The following QKI variants were observed in gnomAD, a reference collection of about 807,000 sequenced individuals.
The protein encoded by QKI is QKI, KH domain containing RNA binding.
In QKI, 10 loss-of-function variants were observed where a neutral mutation model predicts 39.0. The observed-to-expected ratio is 0.26, with a 90% CI of 0.16 to 0.43. QKI has a LOEUF of 0.43. Among genes scored for constraint, QKI ranks in the 20% least tolerant of loss-of-function variants. The pLI, the probability that QKI is intolerant of heterozygous loss-of-function variation, is 1.00. For missense variants in QKI, 218 were observed against 428.0 expected, an observed-to-expected ratio of 0.51 and a Z score of 4.33; for synonymous variants, 204 against 155.4, an observed-to-expected ratio of 1.31 and a Z score of -2.33.
chr6:163,430,934 CT>C (rs1205829496), intron 1 of QKI, among the ~76,000 whole-genome samples: 1 of 152,126 alleles, frequency 6.6e-6, no homozygotes, highest in Non-Finnish European at 1.5e-5. Flanking sequence ...CATATTAAGT[CT>C]CCAGGATTTG....
At chr6:163,492,833 A>G (rs1161987623) in intron 3 of QKI, among the ~76,000 whole-genome samples, 3 of 152,180 alleles carry the variant, frequency 2.0e-5, no homozygotes, top group East Asian at 3.8e-4. Context: ...AAGTGTTACA[A>G]CAGCACATTG....
At chr6:163,435,700 T>C (rs946529016) in intron 1 of QKI, among the ~76,000 whole-genome samples, 2 of 152,224 alleles carry the variant, frequency 1.3e-5, no homozygotes, top group African/African-American at 4.8e-5. Context: ...ATGAAATCCA[T>C]TTGCCACGTT....
rs1408624979 is a variant in QKI, at chr6:163,573,854, T to C, written c.*3144T>C. 6.6e-6 allele frequency: 1 copy of C among 151,868 alleles called. No individual in the cohort carries two copies. Among genetic ancestry groups the C allele is most frequent in the Non-Finnish European group, 1.5e-5 (1 of 67,940 alleles). 9.4% of individuals were successfully genotyped at this position (151,868 alleles called of 1,614,324 possible). A position where few individuals can be genotyped will look rare whatever the true frequency, so the allele number is the denominator to read the frequency against. ...TATATGTTTAATTAAAATAAACAAA[T>C]AAAGACAAAAGAATGTAAAGTCTTG... On this transcript the variant is annotated 3_prime_UTR_variant, in exon 8 of 8. Coordinates refer to ENST00000361752, the MANE Select transcript of QKI (RefSeq NM_006775.3).
chr6:163,540,851 C>T (rs1781459782), intron 4 of QKI, among the ~76,000 whole-genome samples: 1 of 151,942 alleles, frequency 6.6e-6, no homozygotes, highest in Admixed American at 6.6e-5. Flanking sequence ...TTTATCTAGT[C>T]TAAATTGGTT....
intron 4 of QKI, among the ~76,000 whole-genome samples, chr6:163,547,728 C>G (rs1781975726): frequency 6.6e-6 from 1 of 152,142 alleles, no homozygotes; most frequent in Non-Finnish European, 1.5e-5. Context: ...CCATCTATAT[C>G]ATCACCAAGT....
chr6:163,464,090 A>G (rs1470987868), intron 2 of QKI, among the ~76,000 whole-genome samples: 4 of 152,160 alleles, frequency 2.6e-5, no homozygotes, highest in African/African-American at 9.6e-5. Flanking sequence ...CCACCTCTTA[A>G]GCTGTTATCA....
At chr6:163,438,625 A>G (rs996373128) in intron 1 of QKI, among the ~76,000 whole-genome samples, 1 of 152,172 alleles carries the variant, frequency 6.6e-6, no homozygotes, top group Non-Finnish European at 1.5e-5. Flanking sequence ...CATTCTAAAC[A>G]TAGAAAAGGT....
intron 1 of QKI, among the ~76,000 whole-genome samples, chr6:163,451,623 A>G (rs1354093528): frequency 6.6e-6 from 1 of 152,222 alleles, no homozygotes; most frequent in East Asian, 1.9e-4. Context: ...GATAGAAAAT[A>G]CATGCCTGGG....
chr6:163,538,006 A>G (rs1209304985), intron 4 of QKI, among the ~76,000 whole-genome samples: 1 of 147,510 alleles, frequency 6.8e-6, no homozygotes, highest in African/African-American at 2.5e-5. Flanking sequence ...ACTTTTTGCT[A>G]TACCTAAAGC....
intron 2 of QKI, chr6:163,457,629 CTCT>C: frequency 3.2e-6 from 1 of 308,044 alleles, no homozygotes; most frequent in Non-Finnish European, 6.5e-6. Context: ...AGAATCACTC[CTCT>C]AATTTTTTTT....
At chr6:163,559,190 A>G (rs1026684497) in intron 4 of QKI, among the ~76,000 whole-genome samples, 1 of 151,902 alleles carries the variant, frequency 6.6e-6, no homozygotes, top group African/African-American at 2.4e-5. Context: ...TTCTGCAGGA[A>G]ACTCGTCTTT....
rs541717240 is a variant in QKI at position 163,523,873 on chromosome 6, G to A, written c.403-11109G>A. Among the ~76,000 whole-genome samples, 4 of 152,260 alleles carry A rather than the reference G, an allele frequency of 2.6e-5. No homozygotes were observed. The South Asian group carries it at 8.3e-4, about 32-fold the overall frequency. On this transcript the variant is annotated intron_variant, in intron 3 of 7. Coordinates refer to ENST00000361752, the MANE Select transcript of QKI (RefSeq NM_006775.3). ...TTTGCTTTCTAGAGCTTACCATTAT[G>A]TACACTGGAATATTAAAGTATGATC... is the stretch of plus-strand genomic sequence containing the variant.
chr6:163,422,839 G>C (rs1476061268), intron 1 of QKI, among the ~76,000 whole-genome samples: 1 of 152,186 alleles, frequency 6.6e-6, no homozygotes, highest in Non-Finnish European at 1.5e-5. Context: ...GGTCATTGTA[G>C]AGACTGGGCC....
At chr6:163,452,671 T>A (rs1257586043) in intron 1 of QKI, among the ~76,000 whole-genome samples, 1 of 152,218 alleles carries the variant, frequency 6.6e-6, no homozygotes, top group Non-Finnish European at 1.5e-5. Flanking sequence ...GTAAATGGCT[T>A]GTATCATCTA....
chr6:163,566,756 C>T lies in QKI; in HGVS notation c.970C>T (p.Arg324Cys), dbSNP rs904511733. Residue 324 changes from arginine (R) to cysteine (C), a missense_variant, in exon 7 of 8, where the codon CGT (arginine) becomes TGT (cysteine). Physicochemically the swap from Arg to Cys is radical, Grantham distance 180. Coordinates refer to ENST00000361752, the MANE Select transcript of QKI (RefSeq NM_006775.3). The part of the protein sequence containing the change: ...VATKVRRHDM[R>C]VHPYQRIVTA... ...TACTAAAGTTCGAAGGCACGATATG[C>T]GTGTCCATCCTTACCAAAGGATTGT... 1 of 1,613,756 alleles carries T rather than the reference C, an allele frequency of 6.2e-7. No homozygotes were observed. The highest frequency in any genetic ancestry group is 1.7e-4 in the Middle Eastern group (1 of 6,060).
At chr6:163,535,443 C>G (rs989181614) in intron 4 of QKI, among the ~76,000 whole-genome samples, 1 of 151,972 alleles carries the variant, frequency 6.6e-6, no homozygotes, top group Non-Finnish European at 1.5e-5. Flanking sequence ...TCCCTCTGCC[C>G]CCCTTCCTTG....
intron 4 of QKI, among the ~76,000 whole-genome samples, chr6:163,538,064 G>T (rs1313552902): frequency 2.0e-5 from 3 of 152,128 alleles, no homozygotes; most frequent in East Asian, 1.9e-4. Flanking sequence ...AGATTGAGTT[G>T]TTCTGTATTT....
intron 4 of QKI, among the ~76,000 whole-genome samples, chr6:163,559,104 A>G (rs1345211080): frequency 6.6e-6 from 1 of 152,142 alleles, no homozygotes; most frequent in Non-Finnish European, 1.5e-5. Context: ...TTGACACTCC[A>G]TTGCCAAATA....
intron 2 of QKI, among the ~76,000 whole-genome samples, chr6:163,471,839 A>G (rs1450036499): frequency 1.3e-5 from 1 of 76,698 alleles, no homozygotes; most frequent in Non-Finnish European, 3.2e-5. Context: ...CAACTCATTT[A>G]GATGATTTTT....
Sources: gnomAD v4.1 joint callset for allele counts (sites outside exome capture counted in the v4.1 genomes callset) on GRCh38, gnomAD v4.1.1 for gene constraint, MANE v1.5 for transcripts, NCBI Gene and HGNC (gene_info 2026-07-23, HGNC 2026-07-21) for gene names.